Variants in PDE11A observed in about 807,000 individuals in gnomAD.
PDE11A encodes the protein dual 3',5'-cyclic-AMP and -GMP phosphodiesterase 11A.
In PDE11A, 100 loss-of-function variants were observed where a neutral mutation model predicts 100.5. That is an observed-to-expected ratio of 1.00 (90% CI 0.85 to 1.18). PDE11A has a LOEUF of 1.18. Ranked by LOEUF, PDE11A falls within the 50% of genes most tolerant of loss-of-function variation. PDE11A has a pLI of 0.00. For missense variants in PDE11A, 1,141 were observed against 1,152.6 expected, an observed-to-expected ratio of 0.99 and a Z score of 0.15; for synonymous variants, 381 against 420.8, an observed-to-expected ratio of 0.91 and a Z score of 1.16.
chr2:177,948,817 G>C (rs539947740), intron 2 of PDE11A, among the ~76,000 whole-genome samples: 1 of 152,126 alleles, frequency 6.6e-6, no homozygotes, highest in African/African-American at 2.4e-5. Context: ...GCTGAGGTAG[G>C]GGGGATTGCT....
intron 1 of PDE11A, among the ~76,000 whole-genome samples, chr2:178,057,916 G>T (rs982530977): frequency 1.3e-5 from 2 of 152,104 alleles, no homozygotes; most frequent in African/African-American, 4.8e-5. Context: ...GGAGTGCAGA[G>T]GCGTGATCTC....
upstream of PDE11A, among the ~76,000 whole-genome samples, chr2:178,077,268 T>TC (rs2087220018): frequency 6.9e-6 from 1 of 144,052 alleles, no homozygotes; most frequent in Non-Finnish European, 1.5e-5. Flanking sequence ...TTCTTTTTTT[T>TC]TTTTTTTTTT....
chr2:177,682,687 T>C (rs1237152708), intron 15 of PDE11A, among the ~76,000 whole-genome samples: 1 of 152,164 alleles, frequency 6.6e-6, no homozygotes, highest in Non-Finnish European at 1.5e-5. Flanking sequence ...CCAAAACGCA[T>C]CTCTCAAAAT....
chr2:177,646,125 T>A (rs780242233), intron 19 of PDE11A, among the ~76,000 whole-genome samples: 2 of 152,210 alleles, frequency 1.3e-5, no homozygotes, highest in African/African-American at 2.4e-5. Context: ...GTTATTTCCA[T>A]AATATAGGGC....
intron 2 of PDE11A, among the ~76,000 whole-genome samples, chr2:177,972,876 A>C (rs141992562): frequency 3.4e-4 from 52 of 152,320 alleles, no homozygotes; most frequent in African/African-American, 1.2e-3. Context: ...GGTGGGGAAG[A>C]AAAGCTTTGG....
At chr2:178,057,979 C>A (rs1192804514) in intron 1 of PDE11A, among the ~76,000 whole-genome samples, 1 of 151,992 alleles carries the variant, frequency 6.6e-6, no homozygotes, top group Non-Finnish European at 1.5e-5. Context: ...TGCCTCAGCC[C>A]CCCTAGTAGC....
At chr2:178,006,684 C>A (rs1366498289) in intron 2 of PDE11A, among the ~76,000 whole-genome samples, 1 of 151,652 alleles carries the variant, frequency 6.6e-6, no homozygotes, top group Non-Finnish European at 1.5e-5. Flanking sequence ...TGAACAAAGT[C>A]ATAAAATACA....
intron 2 of PDE11A, among the ~76,000 whole-genome samples, chr2:177,968,838 A>G (rs1224149841): frequency 6.6e-6 from 1 of 152,238 alleles, no homozygotes; most frequent in African/African-American, 2.4e-5. Context: ...AATTAGTTCA[A>G]CCATTGTGTA....
chr2:178,088,033 A>G (rs1431590641), intron 2 of PDE11A, among the ~76,000 whole-genome samples: 2 of 152,146 alleles, frequency 1.3e-5, no homozygotes, highest in Non-Finnish European at 2.9e-5. Flanking sequence ...CCTTTTCTGC[A>G]CTGAAGCTCC....
At chr2:177,791,158 C>A (rs1332716053) in intron 9 of PDE11A, among the ~76,000 whole-genome samples, 1 of 151,884 alleles carries the variant, frequency 6.6e-6, no homozygotes, top group Non-Finnish European at 1.5e-5. Context: ...CAATGATAGA[C>A]TGGATTAAGA....
chr2:178,050,568 G>T (rs13391629), intron 1 of PDE11A, among the ~76,000 whole-genome samples: 176 of 151,996 alleles, frequency 1.2e-3, no homozygotes, highest in African/African-American at 4.2e-3. Context: ...CTGAGCTAAA[G>T]GAGGGTGTTC....
chr2:177,894,379 A>AT (rs1037508477), intron 4 of PDE11A, among the ~76,000 whole-genome samples: 3 of 151,856 alleles, frequency 2.0e-5, no homozygotes, highest in South Asian at 4.2e-4. Flanking sequence ...GCAGATTAAT[A>AT]TTTTTTTTCA....
intron 2 of PDE11A, among the ~76,000 whole-genome samples, chr2:177,937,043 A>G (rs1395771630): frequency 6.6e-6 from 1 of 152,158 alleles, no homozygotes; most frequent in African/African-American, 2.4e-5. Context: ...TGGACTAGTT[A>G]CTATGCCCCT....
chr2:177,883,712 T>A (rs770413329), intron 4 of PDE11A, among the ~76,000 whole-genome samples: 8 of 152,062 alleles, frequency 5.3e-5, no homozygotes, highest in Non-Finnish European at 7.4e-5. Flanking sequence ...GGGCAAGCTA[T>A]AGAAGTGTGG....
At chr2:177,782,736 CT>C (rs1349522177) in intron 9 of PDE11A, among the ~76,000 whole-genome samples, 1 of 152,074 alleles carries the variant, frequency 6.6e-6, no homozygotes, top group Non-Finnish European at 1.5e-5. Context: ...AAGGTTCTTT[CT>C]TTTTTGCTTC....
chr2:177,799,002 T>C lies in PDE11A; in HGVS notation c.1737+17827A>G, dbSNP rs141595120. 4.6e-5 allele frequency among the ~76,000 whole-genome samples: 7 copies of C among 152,322 alleles called. No homozygotes were observed. The East Asian group carries it at 1.2e-3, about 25-fold the overall frequency. On this transcript the variant is annotated intron_variant, in intron 9 of 19. Transcript: ENST00000286063. ...CATCAATCATGGTAAGTCATTTTGA[T>C]AGTATGTCCCCTTGATATGATGTGA... is the stretch of plus-strand genomic sequence containing the variant.
chr2:177,634,963 C>G (rs1282692087), intron 19 of PDE11A, among the ~76,000 whole-genome samples: 2 of 152,186 alleles, frequency 1.3e-5, no homozygotes, highest in South Asian at 4.1e-4. Context: ...CATCTGATCA[C>G]TCTCCATATA....
chr2:178,083,573 G>A (rs540356258), intron 2 of PDE11A, among the ~76,000 whole-genome samples: 163 of 152,278 alleles, frequency 1.1e-3, no homozygotes, highest in African/African-American at 3.8e-3. Context: ...AGCACATGTC[G>A]AGGGCAGTCA....
intron 5 of PDE11A, among the ~76,000 whole-genome samples, chr2:177,862,737 A>G (rs1266523769): frequency 2.6e-5 from 4 of 151,966 alleles, no homozygotes; most frequent in Non-Finnish European, 5.9e-5. Context: ...AAGAAGTAAT[A>G]TTGTTAAAAT....
Sources: gnomAD v4.1 joint callset for allele counts (sites outside exome capture counted in the v4.1 genomes callset) on GRCh38, gnomAD v4.1.1 for gene constraint, MANE v1.5 for transcripts, NCBI Gene and HGNC (gene_info 2026-07-23, HGNC 2026-07-21) for gene names.